MAP2K5: variants seen among roughly 807,000 people sequenced by gnomAD.
The protein encoded by MAP2K5 is dual specificity mitogen-activated protein kinase kinase 5.
A neutral mutation model predicts 83.1 loss-of-function variants in MAP2K5; 49 were observed. That is an observed-to-expected ratio of 0.59 (90% CI 0.47 to 0.75). The LOEUF (loss-of-function observed/expected upper bound fraction) is 0.75. MAP2K5 is among the 30% of genes least tolerant of loss of function. MAP2K5 has a pLI of 0.00. For synonymous variants in MAP2K5, 202 were observed against 191.8 expected (o/e 1.05, Z -0.44); for missense variants, 457 against 557.5 (o/e 0.82, Z 1.82).
At chr15:67,664,333 C>CAA (rs11395465) in intron 12 of MAP2K5, among the ~76,000 whole-genome samples, 47,742 of 74,166 alleles carry the variant, frequency 0.64, 16,804 homozygotes, top group Middle Eastern at 0.75. Context: ...CTGTTTCTAC[C>CAA]AAAAAAAAAA....
intron 15 of MAP2K5, among the ~76,000 whole-genome samples, chr15:67,694,263 A>G (rs1344584822): frequency 6.6e-6 from 1 of 152,178 alleles, no homozygotes; most frequent in Non-Finnish European, 1.5e-5. Flanking sequence ...AAAAAAAATT[A>G]AACAGGAAAC....
At chr15:67,656,956 C>G (rs2087097991) in intron 11 of MAP2K5, among the ~76,000 whole-genome samples, 1 of 152,104 alleles carries the variant, frequency 6.6e-6, no homozygotes, top group Admixed American at 6.6e-5. Flanking sequence ...ACTCTTAATC[C>G]TGAGTGGATC....
chr15:67,763,598 A>C (rs1236382501), intron 19 of MAP2K5, among the ~76,000 whole-genome samples: 1 of 151,984 alleles, frequency 6.6e-6, no homozygotes, highest in Non-Finnish European at 1.5e-5. Context: ...GCTTCTATGG[A>C]GATCCTTGGA....
chr15:67,637,787 A>G lies in MAP2K5; in HGVS notation c.585+6860A>G, dbSNP rs1174157366. 6.6e-6 allele frequency among the ~76,000 whole-genome samples: 1 copy of G among 151,974 alleles called. No homozygotes were observed. Among genetic ancestry groups the G allele is most frequent in the Middle Eastern group, 3.2e-3 (1 of 316 alleles). ...TCTCTGCCTGGTTTCCCCTCCCTGC[A>G]CTGAGGCCTGGGAACTCTCTGGTCA... is the stretch of plus-strand genomic sequence containing the variant. On this transcript the variant is annotated intron_variant, in intron 9 of 21. Transcript: ENST00000178640. The surrounding 1 kb of genome is among the most constrained non-coding windows in gnomAD (Gnocchi z 4.5).
At chr15:67,660,471 A>T (rs938874) in intron 12 of MAP2K5, among the ~76,000 whole-genome samples, 152,223 of 152,242 alleles carry the variant, frequency 1, 76,102 homozygotes, top group Non-Finnish European at 1. Flanking sequence ...TCTGATTGTG[A>T]TCCCAGTATC....
intron 21 of MAP2K5, among the ~76,000 whole-genome samples, chr15:67,795,515 G>A (rs1334394735): frequency 6.6e-6 from 1 of 152,096 alleles, no homozygotes; most frequent in Non-Finnish European, 1.5e-5. Context: ...TTATCTCCAA[G>A]TAGTGAAAGA....
At chr15:67,617,581 A>G (rs2086082448) in intron 8 of MAP2K5, among the ~76,000 whole-genome samples, 1 of 152,246 alleles carries the variant, frequency 6.6e-6, no homozygotes, top group Non-Finnish European at 1.5e-5. Context: ...GATCTTATGC[A>G]TGGCATAAAT....
intron 1 of MAP2K5, among the ~76,000 whole-genome samples, chr15:67,547,077 A>ACACACACACACACACAC (rs368718348): frequency 6.9e-6 from 1 of 144,092 alleles, no homozygotes; most frequent in African/African-American, 2.6e-5. Context: ...AAAAGAAGAA[A>ACACACACACACACACAC]ACACACACAC....
chr15:67,598,834 A>G (rs990680721), intron 7 of MAP2K5, among the ~76,000 whole-genome samples: 2 of 152,184 alleles, frequency 1.3e-5, no homozygotes, highest in Non-Finnish European at 2.9e-5. Flanking sequence ...ACAAATGCAG[A>G]ATTTGTGTAC....
rs59269114 is a variant in MAP2K5 at position 67,547,077 on chromosome 15, A to AACACACACACACACACACACACAC, written c.136-2949_136-2926dup. On this transcript the variant is annotated intron_variant, in intron 1 of 21. Coordinates refer to ENST00000178640, the MANE Select transcript of MAP2K5 (RefSeq NM_145160.3). ...GAGACCCTATCTCAAAAAAGAAGAA[A>AACACACACACACACACACACACAC]ACACACACACACACACACACACACA... 3.7e-4 allele frequency among the ~76,000 whole-genome samples: 53 copies of AACACACACACACACACACACACAC among 144,188 alleles called. 1 individual carries two copies. The highest frequency in any genetic ancestry group is 1.9e-3 in the Admixed American group (28 of 14,444). The allele number at this position is 144,188 out of a possible 152,430, so 94.6% of individuals were successfully genotyped here. A position where few individuals can be genotyped will look rare whatever the true frequency, so the allele number is the denominator to read the frequency against.
intron 6 of MAP2K5, among the ~76,000 whole-genome samples, chr15:67,590,045 T>C (rs955116906): frequency 6.6e-6 from 1 of 152,180 alleles, no homozygotes; most frequent in Admixed American, 6.5e-5. Context: ...ATTTTTTCCA[T>C]ATATGTTTCA....
At chr15:67,762,044 G>T (rs1179736883) in intron 19 of MAP2K5, among the ~76,000 whole-genome samples, 4 of 152,210 alleles carry the variant, frequency 2.6e-5, no homozygotes, top group African/African-American at 9.6e-5. Context: ...CTTTAGACCA[G>T]CCTGAGCAGG....
rs141640383 is a variant in MAP2K5, at chr15:67,801,456, G to A, written c.1243-5190G>A. On this transcript the variant is annotated intron_variant, in intron 21 of 21. Transcript: ENST00000178640. The surrounding 1 kb of genome is among the most constrained non-coding windows in gnomAD (Gnocchi z 4.8). The stretch of plus-strand genomic sequence containing the variant: ...TGCTTGGTGCTCACCCTGAGGCAGA[G>A]CAGTCCTGTGGTCCAGAGAGCCACC... Among the ~76,000 whole-genome samples the A allele has an allele frequency of 2.9e-3, 441 of 152,298 alleles. 1 individual carries two copies. Among genetic ancestry groups the A allele is most frequent in the African/African-American group, 0.01 (425 of 41,556 alleles).
At position 67,779,851 on chromosome 15, in the gene MAP2K5, C is replaced by G. The variant is rs112528705; in HGVS notation, c.1242+7099C>G. Among the ~76,000 whole-genome samples the G allele has an allele frequency of 2.0e-3, 311 of 152,266 alleles. 3 individuals are homozygous for G. The highest frequency in any genetic ancestry group is 7.1e-3 in the African/African-American group (294 of 41,542). ...GATCAGTTGGGCTGCTCTTCAGTGC[C>G]GTGCCAGATTTGCGGCAGCGGGAGG... On this transcript the variant is annotated intron_variant, in intron 21 of 21. Coordinates refer to ENST00000178640, the MANE Select transcript of MAP2K5 (RefSeq NM_145160.3). The surrounding 1 kb of genome is among the most constrained non-coding windows in gnomAD (Gnocchi z 4.6).
At chr15:67,772,473 G>A (rs1027342358) in intron 20 of MAP2K5, among the ~76,000 whole-genome samples, 1 of 152,104 alleles carries the variant, frequency 6.6e-6, no homozygotes, top group African/African-American at 2.4e-5. Context: ...TATTTTTTAA[G>A]TGAAAAAGTA....
At position 67,644,886 on chromosome 15, in the gene MAP2K5, C is replaced by T. The variant is rs965285202; in HGVS notation, c.586-1345C>T. ...ATTTTTGGCTGGGCATGGTGGCTTA[C>T]GCTTGTAATCCCAGAACTTTGGGAG... On this transcript the variant is annotated intron_variant, in intron 9 of 21. Transcript: ENST00000178640. The surrounding 1 kb of genome is among the most constrained non-coding windows in gnomAD (Gnocchi z 4.6). 2.0e-5 allele frequency among the ~76,000 whole-genome samples: 3 copies of T among 152,050 alleles called. No homozygotes were observed. The highest frequency in any genetic ancestry group is 1.3e-4 in the Admixed American group (2 of 15,274).
chr15:67,658,873 A>G (rs898458580), intron 12 of MAP2K5: 2 of 496,976 alleles, frequency 4.0e-6, no homozygotes, highest in East Asian at 4.6e-5. Context: ...TGACTCGTAA[A>G]ATTTCCAACT....
chr15:67,621,099 G>A (rs915911862), intron 8 of MAP2K5, among the ~76,000 whole-genome samples: 1 of 152,070 alleles, frequency 6.6e-6, no homozygotes, highest in Admixed American at 6.6e-5. Context: ...AAAGGAAAAG[G>A]GTAGGGGAAG....
intron 6 of MAP2K5, among the ~76,000 whole-genome samples, chr15:67,589,592 C>T (rs1399064425): frequency 6.6e-6 from 1 of 152,190 alleles, no homozygotes; most frequent in Non-Finnish European, 1.5e-5. Flanking sequence ...GGATGAAAGG[C>T]ATTCTATAAA....
Sources: allele counts gnomAD v4.1 joint callset (sites outside exome capture counted in the v4.1 genomes callset), GRCh38; gene constraint gnomAD v4.1.1; non-coding constraint Gnocchi (gnomAD v3.1); transcripts MANE v1.5; gene names NCBI Gene and HGNC (gene_info 2026-07-23, HGNC 2026-07-21).